The following WDTC1 variants were observed in gnomAD, a reference collection of about 807,000 sequenced individuals.
WDTC1 encodes WD and tetratricopeptide repeats protein 1.
In WDTC1, 12 loss-of-function variants were observed where a neutral mutation model predicts 76.0. The ratio of observed to expected loss-of-function variants is 0.16; its 90% CI spans 0.10 to 0.26. The LOEUF (loss-of-function observed/expected upper bound fraction) is 0.26, where lower values mean the gene tolerates loss of function less well. WDTC1 is among the 10% of genes least tolerant of loss of function. WDTC1 has a pLI of 1.00. For missense variants in WDTC1, 511 were observed against 908.8 expected (o/e 0.56, Z 5.63); for synonymous variants, 326 against 350.8 (o/e 0.93, Z 0.79).
In WDTC1 at chr1:27,308,154, T is replaced by G. The variant is rs1189324580; in HGVS notation, c.*1771T>G. ...GTGTGGAGAGACACATAAGCCTTAC[T>G]GTCCTCTGGGGGCAGGAGCCGAGCC... On this transcript the variant is annotated 3_prime_UTR_variant, in exon 16 of 16. Coordinates refer to ENST00000319394, the MANE Select transcript of WDTC1 (RefSeq NM_001276252.2). The G allele has an allele frequency of 1.4e-5, 2 of 146,396 alleles. No individual in the cohort carries two copies. The highest frequency in any genetic ancestry group is 2.5e-5 in the African/African-American group (1 of 40,370). The allele number at this position is 146,396 out of a possible 1,614,324, so 9.1% of individuals were successfully genotyped here. A position where few individuals can be genotyped will look rare whatever the true frequency, so the allele number is the denominator to read the frequency against.
chr1:27,256,820 C>T (rs2012295024), intron 1 of WDTC1, among the ~76,000 whole-genome samples: 1 of 152,198 alleles, frequency 6.6e-6, no homozygotes, highest in African/African-American at 2.4e-5. Context: ...ACCCTCAGCA[C>T]AATGCCTGGC....
Position 27,234,691 on chromosome 1 carries a change from G to T in WDTC1, c.-360G>T. 1 of 397,978 alleles carries T rather than the reference G, an allele frequency of 2.5e-6. No individual in the cohort carries two copies. The highest frequency in any genetic ancestry group is 1.3e-4 in the South Asian group (1 of 7,844). 24.7% of individuals were successfully genotyped at this position (397,978 alleles called of 1,614,324 possible). Reference sequence around the variant, plus strand: ...ATAAACAGAGGAGGAGGAGGGAGGGGAGTGCGTGTGTGAGAGCGCGCGAGG... The same window carrying T: ...ATAAACAGAGGAGGAGGAGGGAGGGTAGTGCGTGTGTGAGAGCGCGCGAGG... On this transcript the variant is annotated 5_prime_UTR_variant, in exon 1 of 16. Coordinates refer to ENST00000319394, the MANE Select transcript of WDTC1 (RefSeq NM_001276252.2).
intron 3 of WDTC1, among the ~76,000 whole-genome samples, chr1:27,263,523 T>G (rs1389238480): frequency 2.0e-5 from 3 of 152,218 alleles, no homozygotes; most frequent in Non-Finnish European, 4.4e-5. Context: ...AAGCTCTGCC[T>G]CCCGGGTTCA....
intron 1 of WDTC1, among the ~76,000 whole-genome samples, chr1:27,259,323 CTTTTTTTTTT>C (rs57081638): frequency 0.045 from 4,819 of 106,350 alleles, 129 homozygotes; most frequent in Middle Eastern, 0.069. Context: ...CCATGCCCAA[CTTTTTTTTTT>C]TTTTTTTTTT....
intron 6 of WDTC1, among the ~76,000 whole-genome samples, chr1:27,290,801 A>T (rs1218821737): frequency 6.6e-6 from 1 of 152,126 alleles, no homozygotes; most frequent in Non-Finnish European, 1.5e-5. Context: ...CCTTTTACAG[A>T]TGAGGAATAT....
chr1:27,272,992 G>A (rs1269986622), intron 3 of WDTC1, among the ~76,000 whole-genome samples: 12 of 152,122 alleles, frequency 7.9e-5, no homozygotes, highest in Admixed American at 7.9e-4. Context: ...TTTAGAAGCA[G>A]TAATACCATA....
At chr1:27,280,513 T>A (rs78748397) in intron 3 of WDTC1, among the ~76,000 whole-genome samples, 1,929 of 152,360 alleles carry the variant, frequency 0.013, 23 homozygotes, top group East Asian at 0.024. Flanking sequence ...AAGCTTAGCA[T>A]CTACCCTGGC....
intron 6 of WDTC1, among the ~76,000 whole-genome samples, chr1:27,288,992 C>A (rs1242362453): frequency 2.0e-5 from 3 of 147,924 alleles, no homozygotes; most frequent in Non-Finnish European, 3.0e-5. Flanking sequence ...GACCCCCCCC[C>A]CACCTCCCTC....
chr1:27,304,840 A>G (rs2013914035), intron 14 of WDTC1, 161 bp from the exon 15 acceptor site: 1 of 665,874 alleles, frequency 1.5e-6, no homozygotes, highest in South Asian at 2.1e-5. Flanking sequence ...GACCAGGGCT[A>G]TATACCTGGA....
chr1:27,280,186 T>C (rs2013148905), intron 3 of WDTC1, among the ~76,000 whole-genome samples: 1 of 152,222 alleles, frequency 6.6e-6, no homozygotes, highest in South Asian at 2.1e-4. Flanking sequence ...TGACACATAG[T>C]AAGCTAAGTT....
chr1:27,236,760 G>A (rs1418791917), intron 1 of WDTC1, among the ~76,000 whole-genome samples: 2 of 151,932 alleles, frequency 1.3e-5, no homozygotes, highest in Non-Finnish European at 2.9e-5. Context: ...GTGGATCTTG[G>A]GCCAACTGCT....
Position 27,274,971 on chromosome 1 carries a change from A to G in WDTC1, c.133-7268A>G, listed in dbSNP as rs2012979522. On this transcript the variant is annotated intron_variant, in intron 3 of 15. Transcript: ENST00000319394. The surrounding 1 kb of genome is among the most constrained non-coding windows in gnomAD (Gnocchi z 4.2). ...CTAAGGTCAGATAAGTGGTAGAAAT[A>G]AGATTTAAAAGATTTATATCAGGCT... Among the ~76,000 whole-genome samples, 1 of 152,220 alleles carries G rather than the reference A, an allele frequency of 6.6e-6. No individual in the cohort carries two copies. The highest frequency in any genetic ancestry group is 2.1e-4 in the South Asian group (1 of 4,834).
intron 1 of WDTC1, among the ~76,000 whole-genome samples, chr1:27,250,195 TC>T (rs897434438): frequency 2.6e-5 from 4 of 152,216 alleles, no homozygotes; most frequent in African/African-American, 9.6e-5. Flanking sequence ...TTTCTTTTTT[TC>T]TTTTTTGGAG....
At chr1:27,283,915 A>G (rs1410947532) in intron 5 of WDTC1, among the ~76,000 whole-genome samples, 2 of 152,228 alleles carry the variant, frequency 1.3e-5, no homozygotes, top group East Asian at 1.9e-4. Context: ...TGACAGTTCA[A>G]TGAGATAATT....
chr1:27,294,495 A>T lies in WDTC1; in HGVS notation c.758-19A>T, dbSNP rs1271587926. On this transcript the variant is annotated intron_variant, in intron 8 of 15. Coordinates refer to ENST00000319394, the MANE Select transcript of WDTC1 (RefSeq NM_001276252.2). ...TGAAAGGGACTGGGACCCTAGTATG[A>T]CTGGGCTATTCCCTGCAGGTCACCT... 3 of 1,610,768 alleles carry T rather than the reference A, an allele frequency of 1.9e-6. No individual in the cohort carries two copies. The highest frequency in any genetic ancestry group is 2.7e-5 in the African/African-American group (2 of 74,990).
At chr1:27,300,633 A>C (rs1355809620) in intron 12 of WDTC1, among the ~76,000 whole-genome samples, 2 of 151,994 alleles carry the variant, frequency 1.3e-5, no homozygotes, top group African/African-American at 2.4e-5. Context: ...ACTCTGCCAG[A>C]CTGTCAGGCC....
intron 1 of WDTC1, among the ~76,000 whole-genome samples, chr1:27,239,072 T>A (rs2011558320): frequency 6.7e-6 from 1 of 150,192 alleles, no homozygotes; most frequent in Admixed American, 6.6e-5. Context: ...CTGGCTAATT[T>A]TTTAATTTTT....
rs572191822 is a variant in WDTC1, at chr1:27,296,411, C to T, written c.949+10C>T. The T allele has an allele frequency of 5.6e-6, 9 of 1,614,000 alleles. No homozygotes were observed. Among genetic ancestry groups the T allele is most frequent in the East Asian group, 4.5e-5 (2 of 44,878 alleles). On this transcript the variant is annotated intron_variant, in intron 10 of 15. Transcript: ENST00000319394. ...TGCCACTCCTCGGGGGGTAAGTTCTCCCTTAGGGTATCTCTACTGCGGCGG... is the reference window on the plus strand; with the variant it reads ...TGCCACTCCTCGGGGGGTAAGTTCTTCCTTAGGGTATCTCTACTGCGGCGG...
At chr1:27,282,740 G>A (rs950308620) in intron 4 of WDTC1, among the ~76,000 whole-genome samples, 3 of 151,894 alleles carry the variant, frequency 2.0e-5, no homozygotes, top group African/African-American at 7.3e-5. Context: ...CTGAGCTCAG[G>A]CAATCCACCT....
Sources: allele counts gnomAD v4.1 joint callset (sites outside exome capture counted in the v4.1 genomes callset), GRCh38; gene constraint gnomAD v4.1.1; non-coding constraint Gnocchi (gnomAD v3.1); transcripts MANE v1.5; gene names NCBI Gene and HGNC (gene_info 2026-07-23, HGNC 2026-07-21).